ABTB2: variants seen among roughly 807,000 people sequenced by gnomAD.
ABTB2 encodes ankyrin repeat and BTB domain containing 2, also known as ankyrin repeat and BTB/POZ domain-containing protein 2.
In ABTB2, 56 loss-of-function variants were observed where a neutral mutation model predicts 104.1. The observed-to-expected ratio is 0.54, with a 90% CI of 0.43 to 0.67. The LOEUF (loss-of-function observed/expected upper bound fraction) is 0.67. Ranked by LOEUF, ABTB2 falls within the 30% of genes least tolerant of loss-of-function variation. The pLI is 0.00. For missense variants in ABTB2, 1,279 were observed against 1,407.7 expected (o/e 0.91, Z 1.46); for synonymous variants, 606 against 608.2 (o/e 1.00, Z 0.05).
At chr11:34,333,878 T>C (rs1855160506) in intron 1 of ABTB2, among the ~76,000 whole-genome samples, 1 of 152,182 alleles carries the variant, frequency 6.6e-6, no homozygotes, top group Admixed American at 6.5e-5. Flanking sequence ...TTGTCTCCTT[T>C]ACTCTGTCAA....
At chr11:34,212,468 A>G (rs193055999) in intron 1 of ABTB2, among the ~76,000 whole-genome samples, 1 of 152,192 alleles carries the variant, frequency 6.6e-6, no homozygotes, top group Non-Finnish European at 1.5e-5. Context: ...CCCTAGAAAG[A>G]CCCTCGCAGT....
chr11:34,174,695 C>T (rs1852938970), intron 3 of ABTB2, among the ~76,000 whole-genome samples: 1 of 152,280 alleles, frequency 6.6e-6, no homozygotes, highest in Non-Finnish European at 1.5e-5. Flanking sequence ...GACCTCCCCG[C>T]CACCGAGGGG....
At chr11:34,286,102 G>A (rs951436500) in intron 1 of ABTB2, among the ~76,000 whole-genome samples, 5 of 151,790 alleles carry the variant, frequency 3.3e-5, no homozygotes, top group Non-Finnish European at 5.9e-5. Context: ...CTGAGCCCAG[G>A]AGTTTGAGGC....
chr11:34,252,010 GT>G lies in ABTB2; in HGVS notation c.884-47321del, dbSNP rs368663403. Among the ~76,000 whole-genome samples the G allele has an allele frequency of 3.0e-4, 46 of 152,286 alleles. No homozygotes were observed. The highest frequency in any genetic ancestry group is 5.7e-4 in the Non-Finnish European group (39 of 68,022). ...GCACTCAGGGATCTAAGCTGCCAAA[GT>G]CAGCCCCACCCCACTCCCATCCCCT... is the stretch of plus-strand genomic sequence containing the variant. On this transcript the variant is annotated intron_variant, in intron 1 of 16. Transcript: ENST00000435224. The surrounding 1 kb of genome is among the most constrained non-coding windows in gnomAD (Gnocchi z 5.5).
intron 1 of ABTB2, among the ~76,000 whole-genome samples, chr11:34,214,353 T>C (rs941848286): frequency 3.3e-5 from 5 of 152,066 alleles, no homozygotes; most frequent in African/African-American, 1.2e-4. Flanking sequence ...CTTACTGGCA[T>C]AGGAACAATG....
rs1852822676 is a variant in ABTB2, at chr11:34,167,892, G to A, written c.1653+11C>T. 1 of 1,613,818 alleles carries A rather than the reference G, an allele frequency of 6.2e-7. No homozygotes were observed. Among genetic ancestry groups the A allele is most frequent in the African/African-American group, 1.3e-5 (1 of 74,938 alleles). The stretch of plus-strand genomic sequence containing the variant: ...CTAGGGCCTGGGTGCAGCTCTGTGG[G>A]GCTTCCTCACCTGGATGTCCAAGTT... On this transcript the variant is annotated intron_variant, in intron 6 of 16. Transcript: ENST00000435224.
At chr11:34,282,115 T>C (rs1423519550) in intron 1 of ABTB2, among the ~76,000 whole-genome samples, 4 of 152,156 alleles carry the variant, frequency 2.6e-5, no homozygotes, top group Non-Finnish European at 5.9e-5. Flanking sequence ...GAGGGCCTGC[T>C]TTCTGGTTCA....
chr11:34,165,133 G>GT, intron 8 of ABTB2, 127 bp downstream of exon 8: 1 of 920,482 alleles, frequency 1.1e-6, no homozygotes, highest in South Asian at 1.8e-5. Flanking sequence ...CAGAGAAGGG[G>GT]TTTTAAGGCC....
chr11:34,209,281 T>C (rs1280333343), intron 1 of ABTB2, among the ~76,000 whole-genome samples: 5 of 151,712 alleles, frequency 3.3e-5, no homozygotes, highest in South Asian at 4.2e-4. Flanking sequence ...CTGGTGGAGG[T>C]TGCAGTGATG....
rs774572893 is a variant in ABTB2 at position 34,160,891 on chromosome 11, G to A, written c.2397+12C>T. ...GCCGTGGGCTTGGGAACTGGCCACT[G>A]GCCACACTTACTTTGCTGGTCTTGA... On this transcript the variant is annotated intron_variant, in intron 11 of 16. Coordinates refer to ENST00000435224, the MANE Select transcript of ABTB2 (RefSeq NM_145804.3). 23 of 1,592,606 alleles carry A rather than the reference G, an allele frequency of 1.4e-5. No individual in the cohort carries two copies. In the Admixed American group the frequency reaches 3.6e-4, roughly 25 times the overall value.
chr11:34,238,943 C>A (rs539521591), intron 1 of ABTB2, among the ~76,000 whole-genome samples: 27 of 152,126 alleles, frequency 1.8e-4, no homozygotes, highest in African/African-American at 6.3e-4. Flanking sequence ...TTAGTAGAGA[C>A]GGGGTTTCAC....
intron 1 of ABTB2, among the ~76,000 whole-genome samples, chr11:34,320,355 G>A (rs76448234): frequency 1.3e-5 from 2 of 152,218 alleles, no homozygotes; most frequent in East Asian, 3.9e-4. Context: ...GTATTTCCTG[G>A]GGGAATTGAA....
intron 1 of ABTB2, among the ~76,000 whole-genome samples, chr11:34,214,696 C>T (rs1853528843): frequency 6.6e-6 from 1 of 152,062 alleles, no homozygotes; most frequent in South Asian, 2.1e-4. Context: ...TGGGCCACTG[C>T]ACCCAGCCAA....
intron 1 of ABTB2, among the ~76,000 whole-genome samples, chr11:34,237,758 G>A (rs1269644033): frequency 1.3e-5 from 2 of 152,290 alleles, no homozygotes; most frequent in African/African-American, 4.8e-5. Flanking sequence ...GGGCATAGTG[G>A]TGGGCGCCTA....
chr11:34,294,701 G>C (rs554413415), intron 1 of ABTB2, among the ~76,000 whole-genome samples: 1 of 151,370 alleles, frequency 6.6e-6, no homozygotes, highest in Admixed American at 6.6e-5. Flanking sequence ...GTGAGCCCTC[G>C]TGTCTCTACA....
rs553626409 is a variant in ABTB2 at position 34,257,718 on chromosome 11, G to A, written c.884-53028C>T. ...TTGTCCTATGTCAGCCTCCTGAGTA[G>A]CTGGGGCTACAGGCGTACACCACCA... On this transcript the variant is annotated intron_variant, in intron 1 of 16. Coordinates refer to ENST00000435224, the MANE Select transcript of ABTB2 (RefSeq NM_145804.3). 2.6e-5 allele frequency among the ~76,000 whole-genome samples: 4 copies of A among 152,210 alleles called. No individual in the cohort carries two copies. In the South Asian group the frequency reaches 8.3e-4, roughly 32 times the overall value.
chr11:34,307,084 C>T (rs1854786632), intron 1 of ABTB2, among the ~76,000 whole-genome samples: 1 of 151,886 alleles, frequency 6.6e-6, no homozygotes, highest in Non-Finnish European at 1.5e-5. Context: ...TGCATGTCTC[C>T]CTGAATGAAT....
intron 1 of ABTB2, among the ~76,000 whole-genome samples, chr11:34,300,021 C>A (rs903154808): frequency 5.3e-5 from 8 of 152,314 alleles, no homozygotes; most frequent in African/African-American, 1.9e-4. Flanking sequence ...AGAGTCAGAG[C>A]TCTCTGCCTC....
At chr11:34,234,439 G>A (rs1416144171) in intron 1 of ABTB2, among the ~76,000 whole-genome samples, 3 of 152,116 alleles carry the variant, frequency 2.0e-5, no homozygotes, top group Non-Finnish European at 4.4e-5. Context: ...GGAGATTCCT[G>A]GGTTACTCTC....
Sources: gnomAD v4.1 joint callset for allele counts (sites outside exome capture counted in the v4.1 genomes callset) on GRCh38, gnomAD v4.1.1 for gene constraint, Gnocchi (gnomAD v3.1) non-coding constraint, MANE v1.5 for transcripts, NCBI Gene and HGNC (gene_info 2026-07-23, HGNC 2026-07-21) for gene names.